C6orf136: variants seen among roughly 807,000 people sequenced by gnomAD.
C6orf136 encodes uncharacterized protein C6orf136.
A neutral mutation model predicts 44.0 loss-of-function variants in C6orf136; 29 were observed. The ratio of observed to expected loss-of-function variants is 0.66; its 90% CI spans 0.49 to 0.90. The LOEUF is 0.90. Among genes scored for constraint, C6orf136 ranks in the 40% least tolerant of loss-of-function variants. The pLI, the probability that C6orf136 is intolerant of heterozygous loss-of-function variation, is 0.00. For synonymous variants in C6orf136, 293 were observed against 278.6 expected, an observed-to-expected ratio of 1.05 and a Z score of -0.52; for missense variants, 628 against 669.3, an observed-to-expected ratio of 0.94 and a Z score of 0.68.
At position 30,652,660 on chromosome 6, in the gene C6orf136, C is replaced by G; in HGVS notation, c.1320C>G (p.Ala440=). Residue 440 remains alanine, a synonymous_variant, in exon 5 of 6, where the codon GCC becomes GCG. Coordinates refer to ENST00000651131, the MANE Select transcript of C6orf136 (RefSeq NM_001161376.2). ...CTCTATTCCCCAGGACCTATGATGCCTACTCCACTTTCTACCTGAATTCCA... is the reference window on the plus strand; with the variant it reads ...CTCTATTCCCCAGGACCTATGATGCGTACTCCACTTTCTACCTGAATTCCA... The part of the protein sequence containing the change: ...DKDEHYRTYD[A]YSTFYLNSSG... 1.9e-6 allele frequency: 3 copies of G among 1,613,086 alleles called. No homozygotes were observed. The highest frequency in any genetic ancestry group is 1.7e-6 in the Non-Finnish European group (2 of 1,180,010).
At position 30,652,683 on chromosome 6, in the gene C6orf136, C is replaced by T; in HGVS notation, c.1343C>T (p.Ser448Phe). 1.9e-6 allele frequency: 3 copies of T among 1,613,102 alleles called. No homozygotes were observed. The highest frequency in any genetic ancestry group is 2.5e-6 in the Non-Finnish European group (3 of 1,180,034). The stretch of plus-strand genomic sequence containing the variant: ...GCCTACTCCACTTTCTACCTGAATT[C>T]CAGTGGCCTCATTTGTCGCCATCGT... ...YDAYSTFYLN[S>F]SGLICRHRLD... The change falls in exon 5 of 6, where the codon TCC becomes TTC. Residue 448 changes from serine to phenylalanine, a missense_variant. By Grantham distance (155) the Ser-to-Phe change is radical. Coordinates refer to ENST00000651131, the MANE Select transcript of C6orf136 (RefSeq NM_001161376.2).
In C6orf136 at chr6:30,647,778, C is replaced by A. The variant is rs1236090956; in HGVS notation, c.547C>A (p.Arg183Ser). ...AGTGTGCACCCGGTTCGGGCCCCTG[C>A]GCCCGGGCTGGCAAGATGGCCACGC... ...RPVCTRFGPLRPGWQDGHAPS... is the reference protein window; with the variant it reads ...RPVCTRFGPLSPGWQDGHAPS... Residue 183 changes from arginine (R) to serine (S), a missense_variant, in exon 1 of 6, where the codon CGC becomes AGC. Arg to Ser is a moderately radical substitution (Grantham distance 110). This residue lies in a region of C6orf136 where 497 missense variants were observed against 469.2 expected (regional missense o/e 1.06). Transcript: ENST00000651131. The surrounding 1 kb of genome is among the most constrained non-coding windows in gnomAD (Gnocchi z 4.8). 9 of 1,543,378 alleles carry A rather than the reference C, an allele frequency of 5.8e-6. No individual in the cohort carries two copies. The highest frequency in any genetic ancestry group is 6.1e-6 in the Non-Finnish European group (7 of 1,145,030).
At chr6:30,648,942 C>T (rs1029715363) in intron 1 of C6orf136, among the ~76,000 whole-genome samples, 9 of 149,964 alleles carry the variant, frequency 6.0e-5, no homozygotes, top group Non-Finnish European at 8.9e-5. Context: ...CAGGAGGCGG[C>T]GGTTGCAGTG....
Position 30,651,074 on chromosome 6 carries a change from AC to A in C6orf136, c.1099del (p.Arg367ValfsTer12). The A allele has an allele frequency of 6.2e-7, 1 of 1,613,624 alleles. No homozygotes were observed. Among genetic ancestry groups the A allele is most frequent in the Non-Finnish European group, 8.5e-7 (1 of 1,179,538 alleles). On this transcript the variant is annotated frameshift_variant, in exon 3 of 6. Coordinates refer to ENST00000651131, the MANE Select transcript of C6orf136 (RefSeq NM_001161376.2). LOFTEE classifies it high-confidence loss of function. ...VEFINEILNI[R>X]TKGRTWYILS... ...AATTCATCAATGAGATCCTCAACATACGTACCAAGTGAGAATTGGGGCACAG... is the reference window on the plus strand; with the variant it reads ...AATTCATCAATGAGATCCTCAACATAGTACCAAGTGAGAATTGGGGCACAG...
chr6:30,649,464 G>GA (rs1337286891), intron 1 of C6orf136, 94 bp from the exon 2 acceptor site: 2 of 1,092,972 alleles, frequency 1.8e-6, no homozygotes, highest in African/African-American at 3.2e-5. Context: ...CTGTCAGGAG[G>GA]AATAGGTATT....
At chr6:30,650,026 G>A (rs1767261468) in intron 2 of C6orf136, 67 bp downstream of exon 2, 3 of 1,395,262 alleles carry the variant, frequency 2.2e-6, no homozygotes, top group Non-Finnish European at 3.0e-6. Flanking sequence ...GGACGTACAG[G>A]GATAGTCAAC....
Position 30,653,179 on chromosome 6 carries a change from T to C in C6orf136, c.*264T>C. 5 of 1,531,796 alleles carry C rather than the reference T, an allele frequency of 3.3e-6. No individual in the cohort carries two copies. The South Asian group carries it at 6.2e-5, about 19-fold the overall frequency. 94.9% of individuals were successfully genotyped at this position (1,531,796 alleles called of 1,614,324 possible). On this transcript the variant is annotated 3_prime_UTR_variant, in exon 6 of 6. Transcript: ENST00000651131. ...TTATTCCAAAAATAATTTTATTTAA[T>C]AGGTATTAAATAATGTATAGAAGGA...
At chr6:30,648,363 C>A (rs1045755759) in intron 1 of C6orf136, among the ~76,000 whole-genome samples, 3 of 150,824 alleles carry the variant, frequency 2.0e-5, no homozygotes, top group Admixed American at 6.6e-5. Context: ...ATGATTCTTG[C>A]GATAAGAGAG....
At chr6:30,652,059 T>C (rs966107659) in intron 4 of C6orf136, among the ~76,000 whole-genome samples, 1 of 151,352 alleles carries the variant, frequency 6.6e-6, no homozygotes, top group Non-Finnish European at 1.5e-5. Flanking sequence ...GAGACCTGCC[T>C]GGCCAACATG....
Position 30,652,702 on chromosome 6 carries a change from C to T in C6orf136, c.1362C>T (p.Arg454=). 1 of 1,613,052 alleles carries T rather than the reference C, an allele frequency of 6.2e-7. No individual in the cohort carries two copies. The highest frequency in any genetic ancestry group is 8.5e-7 in the Non-Finnish European group (1 of 1,180,032). Residue 454 remains arginine (R), a synonymous_variant, in exon 5 of 6, where the codon CGC becomes CGT. Coordinates refer to ENST00000651131, the MANE Select transcript of C6orf136 (RefSeq NM_001161376.2). ...FYLNSSGLIC[R]HRLDKLMPSH... ...TGAATTCCAGTGGCCTCATTTGTCG[C>T]CATCGTCTAGATAAAGTGAGTCCTA...
intron 4 of C6orf136, 70 bp downstream of exon 4, chr6:30,651,536 T>C (rs1435751441): frequency 6.9e-7 from 1 of 1,444,074 alleles, no homozygotes; most frequent in Admixed American, 1.8e-5. Flanking sequence ...AGACGGAGTC[T>C]CACTCTGTCA....
chr6:30,652,241 A>T (rs1307027920), intron 4 of C6orf136, among the ~76,000 whole-genome samples: 11 of 4,006 alleles, frequency 2.7e-3, no homozygotes, highest in African/African-American at 4.3e-3. Context: ...AAACCCTGTC[A>T]CACACACACA....
At chr6:30,649,994 G>A in intron 2 of C6orf136, 35 bp downstream of exon 2, 2 of 1,592,164 alleles carry the variant, frequency 1.3e-6, no homozygotes, top group Non-Finnish European at 8.6e-7. Context: ...CGTCTACAGT[G>A]GGAAGGATGT....
At chr6:30,650,205 C>T (rs1343519975) in intron 2 of C6orf136, among the ~76,000 whole-genome samples, 1 of 151,688 alleles carries the variant, frequency 6.6e-6, no homozygotes, top group Non-Finnish European at 1.5e-5. Context: ...ACCAGCCTGG[C>T]CAACATGGTG....
chr6:30,647,394 G>A lies in C6orf136; in HGVS notation c.163G>A (p.Ala55Thr). The A allele has an allele frequency of 6.8e-7, 1 of 1,480,132 alleles. No individual in the cohort carries two copies. Among genetic ancestry groups the A allele is most frequent in the Non-Finnish European group, 9.0e-7 (1 of 1,115,020 alleles). The allele number at this position is 1,480,132 out of a possible 1,614,324, so 91.7% of individuals were successfully genotyped here. ...VRGAERALGS[A>T]QAQRHPPPLP... The stretch of plus-strand genomic sequence containing the variant: ...TGGGGCGGAGCGCGCGCTGGGTTCC[G>A]CGCAGGCGCAGAGACACCCGCCGCC... The change falls in exon 1 of 6, where the codon GCG becomes ACG. Residue 55 changes from alanine to threonine, a missense_variant. Ala to Thr is a moderately conservative substitution (Grantham distance 58). Transcript: ENST00000651131. The surrounding 1 kb of genome is among the most constrained non-coding windows in gnomAD (Gnocchi z 4.8).
In C6orf136 at chr6:30,647,763, C is replaced by T. The variant is rs1766999036; in HGVS notation, c.532C>T (p.Arg178Trp). The T allele has an allele frequency of 6.5e-7, 1 of 1,546,388 alleles. No homozygotes were observed. The highest frequency in any genetic ancestry group is 2.5e-5 in the East Asian group (1 of 40,780). ...GCAGGAAGGCCGGCCAGTGTGCACC[C>T]GGTTCGGGCCCCTGCGCCCGGGCTG... ...SWQEGRPVCT[R>W]FGPLRPGWQD... The change falls in exon 1 of 6, where the codon CGG becomes TGG. Residue 178 changes from arginine (R) to tryptophan (W), a missense_variant. Physicochemically the swap from Arg to Trp is moderately radical, Grantham distance 101 (BLOSUM62 -3). This residue lies in a region of C6orf136 where 497 missense variants were observed against 469.2 expected (regional missense o/e 1.06). Transcript: ENST00000651131. The surrounding 1 kb of genome is among the most constrained non-coding windows in gnomAD (Gnocchi z 4.8).
intron 1 of C6orf136, among the ~76,000 whole-genome samples, chr6:30,648,744 C>T (rs1211255126): frequency 6.8e-5 from 10 of 146,390 alleles, no homozygotes; most frequent in African/African-American, 2.5e-4. Flanking sequence ...CGGTGGCTCA[C>T]GCCTGTAATC....
chr6:30,647,682 A>C lies in C6orf136; in HGVS notation c.451A>C (p.Arg151=), dbSNP rs1294024728. 1 of 1,550,114 alleles carries C rather than the reference A, an allele frequency of 6.5e-7. No homozygotes were observed. The highest frequency in any genetic ancestry group is 1.2e-5 in the South Asian group (1 of 84,020). Residue 151 remains arginine, a synonymous_variant, in exon 1 of 6, where the codon AGA becomes CGA. Transcript: ENST00000651131. This position sits in a 1 kb window ranked among gnomAD's most constrained non-coding sequence, Gnocchi z 4.8. ...GTCCCGGAGTTCCCCGGCCCAGACCAGACCCGCGGGGCGCCCTCAGCAGCC... is the reference window on the plus strand; with the variant it reads ...GTCCCGGAGTTCCCCGGCCCAGACCCGACCCGCGGGGCGCCCTCAGCAGCC... ...APSRSSPAQT[R]PAGRPQQPAR...
At chr6:30,648,640 T>TCCGCC (rs1767104597) in intron 1 of C6orf136, among the ~76,000 whole-genome samples, 1 of 148,410 alleles carries the variant, frequency 6.7e-6, no homozygotes, top group Non-Finnish European at 1.5e-5. Context: ...GACCTCGTGA[T>TCCGCC]CCGCCCGCCT....
Sources: allele counts gnomAD v4.1 joint callset (sites outside exome capture counted in the v4.1 genomes callset), GRCh38; gene constraint gnomAD v4.1.1; regional missense constraint gnomAD v4.1.1; non-coding constraint Gnocchi (gnomAD v3.1); transcripts MANE v1.5; gene names NCBI Gene and HGNC (gene_info 2026-07-23, HGNC 2026-07-21).